Variants in TMCO5A observed in about 807,000 individuals in gnomAD.
The protein encoded by TMCO5A is transmembrane and coiled-coil domains 5A, also known as transmembrane and coiled-coil domain-containing protein 5A.
In TMCO5A, 34 loss-of-function variants were observed where a neutral mutation model predicts 42.3. The ratio of observed to expected loss-of-function variants is 0.80; its 90% CI spans 0.61 to 1.07. The LOEUF is 1.07. Among genes scored for constraint, TMCO5A ranks in the 50% least tolerant of loss-of-function variants. The probability of loss-of-function intolerance (pLI) is 0.00; values close to 1 mark genes in which losing one functional copy is unlikely to be tolerated. For missense variants in TMCO5A, 357 were observed against 327.9 expected (o/e 1.09, Z -0.69); for synonymous variants, 131 against 115.6 (o/e 1.13, Z -0.86).
At chr15:37,979,574 T>G in the TMCO5A span, among the ~76,000 whole-genome samples, 2 of 151,860 alleles carry the variant, frequency 1.3e-5, no homozygotes, top group African/African-American at 4.8e-5. Flanking sequence ...ATGGGGTGAG[T>G]GGGGACCCAG....
chr15:37,946,777 A>G (rs1481695808), intron 10 of TMCO5A, among the ~76,000 whole-genome samples: 3 of 152,122 alleles, frequency 2.0e-5, no homozygotes, highest in Non-Finnish European at 4.4e-5. Context: ...TTTTCTAGAT[A>G]TAGGATCATG....
At chr15:38,038,325 C>T in the TMCO5A span, among the ~76,000 whole-genome samples, 5 of 152,052 alleles carry the variant, frequency 3.3e-5, no homozygotes, top group African/African-American at 1.2e-4. Flanking sequence ...TAAGGGGAAC[C>T]ACAGTTGATT....
At chr15:37,955,674 T>C (rs1214090784), downstream of TMCO5A, among the ~76,000 whole-genome samples, 1 of 152,084 alleles carries the variant, frequency 6.6e-6, no homozygotes, top group Non-Finnish European at 1.5e-5. Context: ...CTGTCAATAT[T>C]AGATGGATCA....
At chr15:38,029,399 AC>A in the TMCO5A span, among the ~76,000 whole-genome samples, 1 of 151,026 alleles carries the variant, frequency 6.6e-6, no homozygotes, top group Non-Finnish European at 1.5e-5. Context: ...ACACACACAC[AC>A]ACACACTGTG....
At chr15:38,016,469 G>T in the TMCO5A span, among the ~76,000 whole-genome samples, 1 of 152,108 alleles carries the variant, frequency 6.6e-6, no homozygotes, top group Non-Finnish European at 1.5e-5. Context: ...TAATCCAGTG[G>T]TCCTAAAAGA....
intron 8 of TMCO5A, among the ~76,000 whole-genome samples, 185 bp downstream of exon 8, chr15:37,941,915 G>A (rs1889760346): frequency 1.3e-5 from 2 of 152,022 alleles, no homozygotes; most frequent in South Asian, 4.1e-4. Flanking sequence ...TTGTCTCCCT[G>A]GGAATTCCTG....
At chr15:37,943,276 C>T (rs1889817434) in intron 9 of TMCO5A, 65 bp from the exon 10 acceptor site, 1 of 1,484,128 alleles carries the variant, frequency 6.7e-7, no homozygotes. Context: ...TTAAAATAAC[C>T]ATAGTGTAGT....
chr15:37,952,805 G>T (rs912225585), downstream of TMCO5A, among the ~76,000 whole-genome samples: 18 of 152,208 alleles, frequency 1.2e-4, no homozygotes, highest in African/African-American at 3.6e-4. Context: ...TTCTGGAACT[G>T]CCCTAGGCAA....
At chr15:38,040,196 AG>A in the TMCO5A span, 4 of 152,344 alleles carry the variant, frequency 2.6e-5, no homozygotes, top group Non-Finnish European at 4.4e-5. Context: ...GTCAGAAGCA[AG>A]TTACAGTCCC....
At chr15:37,954,775 T>C (rs1453243121), downstream of TMCO5A, among the ~76,000 whole-genome samples, 1 of 151,904 alleles carries the variant, frequency 6.6e-6, no homozygotes, top group South Asian at 2.1e-4. Context: ...AAAATATAAA[T>C]AGAAACAACA....
chr15:37,940,871 TA>T (rs1302144859), intron 6 of TMCO5A, among the ~76,000 whole-genome samples: 1 of 152,126 alleles, frequency 6.6e-6, no homozygotes, highest in African/African-American at 2.4e-5. Context: ...AAACTGGTAT[TA>T]TTTTTAAGAG....
intron 11 of TMCO5A, among the ~76,000 whole-genome samples, chr15:37,958,425 G>T (rs1460995078): frequency 6.6e-6 from 1 of 152,076 alleles, no homozygotes. Context: ...CCAAATAGTG[G>T]GCAAAGGATA....
At chr15:37,966,789 C>T (rs1427448172) in exon 12 of TMCO5A, 2 of 682,686 alleles carry the variant, frequency 2.9e-6, no homozygotes, top group African/African-American at 3.5e-5. Context: ...TACCCTGTCC[C>T]ACAGTCAATG....
chr15:37,962,199 T>C (rs1890446820), intron 11 of TMCO5A, among the ~76,000 whole-genome samples: 1 of 152,300 alleles, frequency 6.6e-6, no homozygotes, highest in East Asian at 1.9e-4. Flanking sequence ...TTTTATTACA[T>C]TGAGGTATCT....
rs369986875 is a variant in TMCO5A at position 37,941,089 on chromosome 15, C to T, written c.388-60C>T. The T allele has an allele frequency of 9.1e-6, 14 of 1,538,108 alleles. No homozygotes were observed. In the South Asian group the frequency reaches 1.6e-4, roughly 17 times the overall value. On this transcript the variant is annotated intron_variant, in intron 6 of 11. Transcript: ENST00000319669. ...GCTCGTGAGGCCACCTTGGTGACAG[C>T]ATTCCATTCCTGCACAGCTTTTACC...
intron 11 of TMCO5A, among the ~76,000 whole-genome samples, chr15:37,961,124 G>T (rs558999296): frequency 6.6e-6 from 1 of 152,178 alleles, no homozygotes; most frequent in South Asian, 2.1e-4. Context: ...CTAAGCCAAT[G>T]CCTAAAAGGG....
the TMCO5A span, among the ~76,000 whole-genome samples, chr15:38,001,178 C>T: frequency 6.6e-6 from 1 of 151,772 alleles, no homozygotes; most frequent in African/African-American, 2.4e-5. Context: ...ATCTGGATGC[C>T]CCAGTGTTGG....
chr15:37,992,493 T>C, the TMCO5A span, among the ~76,000 whole-genome samples: 1 of 152,206 alleles, frequency 6.6e-6, no homozygotes, highest in Non-Finnish European at 1.5e-5. Context: ...ATCCCATTAC[T>C]GGGTATATAC....
the TMCO5A span, among the ~76,000 whole-genome samples, chr15:38,025,393 C>A: frequency 1.3e-5 from 2 of 152,032 alleles, no homozygotes; most frequent in African/African-American, 4.8e-5. Context: ...TACACAAAGA[C>A]AACTCTGGGA....
Sources: gnomAD v4.1 joint callset for allele counts (sites outside exome capture counted in the v4.1 genomes callset) on GRCh38, gnomAD v4.1.1 for gene constraint, MANE v1.5 for transcripts, NCBI Gene and HGNC (gene_info 2026-07-23, HGNC 2026-07-21) for gene names.